Variants in DPP10 observed in about 807,000 individuals in gnomAD.
DPP10 encodes inactive dipeptidyl peptidase 10.
In DPP10, 33 loss-of-function variants were observed where a neutral mutation model predicts 120.9. The observed-to-expected ratio is 0.27, with a 90% CI of 0.21 to 0.37. The LOEUF is 0.37. Ranked by LOEUF, DPP10 falls within the 10% of genes least tolerant of loss-of-function variation. The pLI is 1.00. For synonymous variants in DPP10, 337 were observed against 326.1 expected, an observed-to-expected ratio of 1.03 and a Z score of -0.36; for missense variants, 816 against 942.8, an observed-to-expected ratio of 0.87 and a Z score of 1.76.
chr2:115,229,774 G>T (rs147507176), intron 1 of DPP10, among the ~76,000 whole-genome samples: 1 of 147,572 alleles, frequency 6.8e-6, no homozygotes, highest in Non-Finnish European at 1.5e-5. Context: ...TTCTTTTTAT[G>T]CCAGTAGCAT....
At chr2:115,716,121 C>T (rs752115230) in intron 7 of DPP10, among the ~76,000 whole-genome samples, 1 of 152,114 alleles carries the variant, frequency 6.6e-6, no homozygotes, top group Non-Finnish European at 1.5e-5. Flanking sequence ...CTTTGTGGAA[C>T]GTGTAGTAAC....
chr2:115,570,256 G>A (rs1029194285), intron 5 of DPP10, among the ~76,000 whole-genome samples: 3 of 152,162 alleles, frequency 2.0e-5, no homozygotes, highest in African/African-American at 7.2e-5. Flanking sequence ...GACTACATCT[G>A]CAGAGCCCAA....
intron 1 of DPP10, among the ~76,000 whole-genome samples, chr2:114,706,895 G>A (rs1700719880): frequency 6.6e-6 from 1 of 151,468 alleles, no homozygotes; most frequent in Non-Finnish European, 1.5e-5. Context: ...GTGAAAATAT[G>A]TTGGAACTTC....
At chr2:115,694,181 C>T (rs2091462946) in intron 7 of DPP10, among the ~76,000 whole-genome samples, 2 of 152,132 alleles carry the variant, frequency 1.3e-5, no homozygotes, top group Admixed American at 6.6e-5. Flanking sequence ...TGGTCCATTT[C>T]ATATGAGTTT....
chr2:115,373,809 C>A (rs926921138), intron 3 of DPP10, among the ~76,000 whole-genome samples: 5 of 151,502 alleles, frequency 3.3e-5, no homozygotes, highest in Non-Finnish European at 7.4e-5. Context: ...GGAATCATGA[C>A]TGTGAGGCTT....
chr2:114,644,016 C>T (rs1365239691), intron 1 of DPP10, among the ~76,000 whole-genome samples: 1 of 148,130 alleles, frequency 6.8e-6, no homozygotes, highest in Non-Finnish European at 1.5e-5. Context: ...CTCACTGCAA[C>T]CTCCACCTCC....
chr2:115,491,860 C>A (rs2076143117), intron 3 of DPP10, among the ~76,000 whole-genome samples: 1 of 152,108 alleles, frequency 6.6e-6, no homozygotes, highest in East Asian at 1.9e-4. Context: ...AAGCCATAGA[C>A]TTAAATTTCA....
intron 1 of DPP10, among the ~76,000 whole-genome samples, chr2:114,944,896 A>C (rs1697232343): frequency 6.6e-6 from 1 of 152,194 alleles, no homozygotes; most frequent in Non-Finnish European, 1.5e-5. Flanking sequence ...AATAGACATA[A>C]GTTGCTAGAA....
rs76214585 is a variant in DPP10, at chr2:115,150,013, G to A, written c.61-159226G>A. On this transcript the variant is annotated intron_variant, in intron 1 of 25. Transcript: ENST00000410059. ...CTGTGAGGGAATAAAAGAGTGAATG[G>A]AAAAAGCAGGAATAACCCTTTGACT... Among the ~76,000 whole-genome samples the A allele has an allele frequency of 5.3e-5, 8 of 152,292 alleles. No homozygotes were observed. In the East Asian group the frequency reaches 1.5e-3, roughly 29 times the overall value.
intron 1 of DPP10, among the ~76,000 whole-genome samples, chr2:114,729,781 C>T (rs1216651256): frequency 1.3e-5 from 2 of 152,202 alleles, no homozygotes; most frequent in Non-Finnish European, 2.9e-5. Context: ...CAAACAATAT[C>T]TTGCTATGGA....
At chr2:115,430,328 T>C (rs2070855383) in intron 3 of DPP10, among the ~76,000 whole-genome samples, 1 of 152,190 alleles carries the variant, frequency 6.6e-6, no homozygotes, top group African/African-American at 2.4e-5. Flanking sequence ...GGACTTTCCT[T>C]AATTCTTATT....
chr2:114,851,345 G>A (rs895767432), intron 1 of DPP10, among the ~76,000 whole-genome samples: 2 of 152,104 alleles, frequency 1.3e-5, no homozygotes, highest in African/African-American at 4.8e-5. Flanking sequence ...TAACAACTAA[G>A]ATGCACTGAA....
At chr2:115,194,931 A>AT (rs921500642) in intron 1 of DPP10, among the ~76,000 whole-genome samples, 10 of 152,296 alleles carry the variant, frequency 6.6e-5, no homozygotes, top group African/African-American at 2.2e-4. Context: ...AGAGCCTTTG[A>AT]TGCATTATGC....
intron 2 of DPP10, 89 bp from the exon 3 acceptor site, chr2:115,343,728 T>A: frequency 1.2e-6 from 1 of 828,230 alleles, no homozygotes. Flanking sequence ...TTAATATATT[T>A]TAGAGCAAAT....
intron 3 of DPP10, among the ~76,000 whole-genome samples, chr2:115,355,748 G>A (rs1306256810): frequency 6.6e-6 from 1 of 152,148 alleles, no homozygotes; most frequent in South Asian, 2.1e-4. Flanking sequence ...TGTGAGGAAG[G>A]TGCCCAGTTT....
chr2:114,688,199 C>T (rs1247057831), intron 1 of DPP10, among the ~76,000 whole-genome samples: 6 of 151,760 alleles, frequency 4.0e-5, no homozygotes, highest in South Asian at 2.1e-4. Context: ...TGATTAGTCA[C>T]GTGGAGAAGA....
intron 1 of DPP10, among the ~76,000 whole-genome samples, chr2:114,570,588 G>A (rs572314365): frequency 9.2e-5 from 14 of 152,166 alleles, no homozygotes; most frequent in African/African-American, 3.4e-4. Flanking sequence ...CATGTTGGGA[G>A]GCCAAGGCAG....
intron 3 of DPP10, among the ~76,000 whole-genome samples, chr2:115,360,560 G>A (rs922358340): frequency 6.6e-6 from 1 of 152,112 alleles, no homozygotes; most frequent in African/African-American, 2.4e-5. Flanking sequence ...GTGCATTTGT[G>A]TAGTGTTCCA....
At chr2:114,595,035 CCTCTCTGGGCTTTTGTA>C (rs1691794611) in intron 1 of DPP10, among the ~76,000 whole-genome samples, 1 of 152,042 alleles carries the variant, frequency 6.6e-6, no homozygotes. Context: ...AACATGTTGG[CCTCTCTGGGCTTTTGTA>C]ATTAATACAT....
Sources: gnomAD v4.1 joint callset for allele counts (sites outside exome capture counted in the v4.1 genomes callset) on GRCh38, gnomAD v4.1.1 for gene constraint, MANE v1.5 for transcripts, NCBI Gene and HGNC (gene_info 2026-07-23, HGNC 2026-07-21) for gene names.